The following ARVCF variants were observed in gnomAD, a reference collection of about 807,000 sequenced individuals.
ARVCF encodes the protein ARVCF delta catenin family member, also known as splicing regulator ARVCF.
Under a neutral mutation model 90.9 loss-of-function variants are expected in ARVCF, and 66 were observed. That is an observed-to-expected ratio of 0.73 (90% CI 0.60 to 0.89). The LOEUF is 0.89. Ranked by LOEUF, ARVCF falls within the 40% of genes least tolerant of loss-of-function variation. The probability of loss-of-function intolerance (pLI) is 0.00; values close to 1 mark genes in which losing one functional copy is unlikely to be tolerated. For missense variants in ARVCF, 1,469 were observed against 1,382.3 expected, an observed-to-expected ratio of 1.06 and a Z score of -1.00; for synonymous variants, 653 against 603.4, an observed-to-expected ratio of 1.08 and a Z score of -1.21.
Position 19,972,383 on chromosome 22 carries a change from C to T in ARVCF, c.2670G>A (p.Val890=), listed in dbSNP as rs1183851523. 11 of 1,613,682 alleles carry T rather than the reference C, an allele frequency of 6.8e-6. No homozygotes were observed. Among genetic ancestry groups the T allele is most frequent in the Middle Eastern group, 1.7e-4 (1 of 6,060 alleles). Residue 890 remains valine, a synonymous_variant, in exon 17 of 20, where the codon GTG becomes GTA. Transcript: ENST00000263207. Reference sequence around the variant, plus strand: ...CTGGGCCCAGCGCATCCATGGGGATCACATCCCGGCTGCCAGTTTTCTCGC... The same window carrying T: ...CTGGGCCCAGCGCATCCATGGGGATTACATCCCGGCTGCCAGTTTTCTCGC... ...LEGEKTGSRD[V]IPMDALGPDG... is the part of the protein sequence containing the mutation.
intron 2 of ARVCF, among the ~76,000 whole-genome samples, chr22:19,999,290 C>T (rs1489973867): frequency 6.8e-6 from 1 of 147,814 alleles, no homozygotes; most frequent in Non-Finnish European, 1.5e-5. Context: ...AGCAGCTTTG[C>T]TAACTAAGCC....
chr22:20,005,703 C>T (rs1320489261), intron 2 of ARVCF, among the ~76,000 whole-genome samples: 2 of 151,842 alleles, frequency 1.3e-5, no homozygotes, highest in African/African-American at 4.8e-5. Context: ...GCCTGTAGTC[C>T]CAGCTACTTG....
intron 16 of ARVCF, 133 bp downstream of exon 16, chr22:19,972,604 G>A (rs1362841064): frequency 8.6e-7 from 1 of 1,165,564 alleles, no homozygotes; most frequent in Non-Finnish European, 1.2e-6. Context: ...CCAAGAGGCA[G>A]AGGGCAGGGA....
intron 2 of ARVCF, among the ~76,000 whole-genome samples, chr22:20,001,126 T>C (rs187741128): frequency 7.2e-5 from 11 of 152,218 alleles, no homozygotes; most frequent in Non-Finnish European, 1.5e-4. Context: ...TCTTGGCTCC[T>C]GGTGAAGATC....
rs576967702 is a variant in ARVCF, at chr22:20,001,045, C to T, written c.-19+9410G>A. On this transcript the variant is annotated intron_variant, in intron 2 of 19. Coordinates refer to ENST00000263207, the MANE Select transcript of ARVCF (RefSeq NM_001670.3). ...AGGCACACGCACCAGCAGGCACACT[C>T]GTCCACACCCATATGGCTGCTGCTT... Among the ~76,000 whole-genome samples the T allele has an allele frequency of 5.3e-5, 8 of 152,316 alleles. No individual in the cohort carries two copies. The East Asian group carries it at 1.5e-3, about 29-fold the overall frequency.
chr22:19,973,851 A>G (rs955422921), intron 12 of ARVCF, 58 bp from the exon 13 acceptor site: 242 of 1,561,896 alleles, frequency 1.5e-4, no homozygotes, highest in Non-Finnish European at 2.0e-4. Context: ...TCCCACCTCC[A>G]GACGCTGACC....
At chr22:19,967,152 T>G, downstream of ARVCF, 1 of 1,301,430 alleles carries the variant, frequency 7.7e-7, no homozygotes, top group South Asian at 1.2e-5. Flanking sequence ...CTTTCCTGTT[T>G]AACTCGTGCA....
At chr22:19,967,450 A>G (rs1341388604), downstream of ARVCF, 4 of 464,314 alleles carry the variant, frequency 8.6e-6, no homozygotes, top group Admixed American at 9.5e-5. Flanking sequence ...CTTCCTGCTC[A>G]ACTCCGGACC....
At chr22:19,996,331 CCACA>C (rs1944250164) in intron 2 of ARVCF, among the ~76,000 whole-genome samples, 1 of 149,904 alleles carries the variant, frequency 6.7e-6, no homozygotes. Context: ...AAAAAAAGGG[CCACA>C]CAGTGTGGTC....
intron 2 of ARVCF, among the ~76,000 whole-genome samples, chr22:19,998,221 G>A (rs73880064): frequency 0.049 from 7,459 of 152,292 alleles, 213 homozygotes; most frequent in South Asian, 0.085. Context: ...GCACAGGGCC[G>A]TCCGCCTGCA....
intron 5 of ARVCF, 37 bp from the exon 6 acceptor site, chr22:19,980,279 G>A: frequency 6.7e-7 from 1 of 1,490,310 alleles, no homozygotes; most frequent in Non-Finnish European, 8.9e-7. Flanking sequence ...CATCGTCACA[G>A]CAGCCGCCAG....
chr22:19,992,479 G>A (rs1944065311), intron 2 of ARVCF, among the ~76,000 whole-genome samples: 1 of 152,196 alleles, frequency 6.6e-6, no homozygotes, highest in South Asian at 2.1e-4. Context: ...ACCCAACACA[G>A]GGGAGCCTTG....
chr22:19,999,248 G>C (rs1219514336), intron 2 of ARVCF, among the ~76,000 whole-genome samples: 2 of 152,180 alleles, frequency 1.3e-5, no homozygotes. Context: ...CCTGCCTAGA[G>C]GCCCTCCCGA....
downstream of ARVCF, chr22:19,966,988 C>T (rs1220538754): frequency 9.7e-5 from 96 of 985,428 alleles, no homozygotes; most frequent in Middle Eastern, 1.6e-3. Context: ...AGCCAGTTCT[C>T]CAGGTGGTCT....
In ARVCF at chr22:19,970,690, G is replaced by A. The variant is rs966299366; in HGVS notation, c.*66C>T. The A allele has an allele frequency of 3.9e-6, 5 of 1,287,914 alleles. No homozygotes were observed. The highest frequency in any genetic ancestry group is 3.7e-5 in the South Asian group (3 of 80,806). The allele number at this position is 1,287,914 out of a possible 1,614,324, so 79.8% of individuals were successfully genotyped here. ...AAGCTCCACGGCACGATCTGCTCAGGGTGGCCCTTCTTCCACGATCCAAGC... is the reference window on the plus strand; with the variant it reads ...AAGCTCCACGGCACGATCTGCTCAGAGTGGCCCTTCTTCCACGATCCAAGC... On this transcript the variant is annotated 3_prime_UTR_variant, in exon 20 of 20. Transcript: ENST00000263207.
At chr22:19,999,719 G>T (rs1281300661) in intron 2 of ARVCF, among the ~76,000 whole-genome samples, 3 of 152,168 alleles carry the variant, frequency 2.0e-5, no homozygotes, top group African/African-American at 7.2e-5. Flanking sequence ...TGGAGGGAGG[G>T]GCCGGGACCC....
chr22:19,969,551 G>A (rs1308890746), downstream of ARVCF: 4 of 152,392 alleles, frequency 2.6e-5, no homozygotes, highest in Non-Finnish European at 5.9e-5. Context: ...CAGACTGCTA[G>A]CCACCTCAGA....
chr22:19,966,163 A>G (rs1942377566), downstream of ARVCF, among the ~76,000 whole-genome samples: 1 of 152,222 alleles, frequency 6.6e-6, no homozygotes, highest in Non-Finnish European at 1.5e-5. Flanking sequence ...GGAAGTCATG[A>G]ATTGGGAATG....
At chr22:19,975,906 C>CA (rs1200136294) in intron 10 of ARVCF, 149 bp from the exon 11 acceptor site, 3 of 766,160 alleles carry the variant, frequency 3.9e-6, no homozygotes, top group South Asian at 3.3e-5. Context: ...GCACCGTTGT[C>CA]AGAGTTTGGG....
Sources: gnomAD v4.1 joint callset for allele counts (sites outside exome capture counted in the v4.1 genomes callset) on GRCh38, gnomAD v4.1.1 for gene constraint, MANE v1.5 for transcripts, NCBI Gene and HGNC (gene_info 2026-07-23, HGNC 2026-07-21) for gene names.